ZFYVE9: variants seen among roughly 807,000 people sequenced by gnomAD.
ZFYVE9 encodes zinc finger FYVE domain-containing protein 9.
In ZFYVE9, 43 loss-of-function variants were observed where a neutral mutation model predicts 126.7. The observed-to-expected ratio is 0.34, with a 90% confidence interval of 0.27 to 0.44. The LOEUF (loss-of-function observed/expected upper bound fraction) is 0.44, where lower values mean the gene tolerates loss of function less well. Among genes scored for constraint, ZFYVE9 ranks in the 20% least tolerant of loss-of-function variants. The pLI, the probability that ZFYVE9 is intolerant of heterozygous loss-of-function variation, is 1.00. For synonymous variants in ZFYVE9, 521 were observed against 597.4 expected (o/e 0.87, Z 1.87); for missense variants, 1,476 against 1,697.0 (o/e 0.87, Z 2.29).
intron 1 of ZFYVE9, among the ~76,000 whole-genome samples, chr1:52,207,800 C>G (rs1251743590): frequency 6.6e-6 from 1 of 152,198 alleles, no homozygotes; most frequent in African/African-American, 2.4e-5. Context: ...GTTCAAATTG[C>G]ATCTTTGCCT....
chr1:52,258,895 C>CTT (rs201084427), intron 4 of ZFYVE9, among the ~76,000 whole-genome samples: 2 of 142,076 alleles, frequency 1.4e-5, no homozygotes, highest in African/African-American at 5.1e-5. Context: ...CCCTTGCTTG[C>CTT]TTTTTTTTTT....
At chr1:52,205,246 T>G (rs908943753) in intron 1 of ZFYVE9, among the ~76,000 whole-genome samples, 1 of 151,772 alleles carries the variant, frequency 6.6e-6, no homozygotes, top group Non-Finnish European at 1.5e-5. Flanking sequence ...GGCCTATTTT[T>G]GTATTTTTTG....
chr1:52,227,419 C>T (rs902809756), intron 2 of ZFYVE9, among the ~76,000 whole-genome samples: 4 of 152,224 alleles, frequency 2.6e-5, no homozygotes, highest in African/African-American at 7.2e-5. Context: ...CCACCAAAGT[C>T]ACCAAAATCC....
intron 13 of ZFYVE9, among the ~76,000 whole-genome samples, chr1:52,311,876 C>T (rs116593979): frequency 5.9e-5 from 9 of 151,872 alleles, no homozygotes; most frequent in African/African-American, 9.7e-5. Context: ...GTGCAACTTT[C>T]GCTTCCTGGA....
chr1:52,339,323 T>C (rs1210413661), intron 16 of ZFYVE9, among the ~76,000 whole-genome samples: 1 of 152,040 alleles, frequency 6.6e-6, no homozygotes, highest in African/African-American at 2.4e-5. Flanking sequence ...AGTCTTGCTC[T>C]GTAACCCAGG....
At chr1:52,317,891 A>G (rs150091936) in intron 13 of ZFYVE9, among the ~76,000 whole-genome samples, 1,647 of 152,306 alleles carry the variant, frequency 0.011, 24 homozygotes, top group African/African-American at 0.038. Flanking sequence ...ATAGCCCTGT[A>G]TTTATTAAAA....
intron 1 of ZFYVE9, among the ~76,000 whole-genome samples, chr1:52,146,773 G>T (rs186003215): frequency 3.6e-4 from 55 of 152,252 alleles, no homozygotes. Context: ...ATTAGAGATT[G>T]CTAAATTAAG....
intron 1 of ZFYVE9, among the ~76,000 whole-genome samples, chr1:52,173,807 T>C (rs181990158): frequency 3.9e-5 from 6 of 152,348 alleles, no homozygotes; most frequent in Admixed American, 1.3e-4. Context: ...TTTATAGTAT[T>C]CTCTGATGGT....
chr1:52,175,802 C>T (rs1388936579), intron 1 of ZFYVE9, among the ~76,000 whole-genome samples: 1 of 152,216 alleles, frequency 6.6e-6, no homozygotes, highest in Non-Finnish European at 1.5e-5. Context: ...CGCATCGGCT[C>T]CTGAGGCTTC....
chr1:52,149,571 A>G (rs2124492898), intron 1 of ZFYVE9, among the ~76,000 whole-genome samples: 1 of 152,342 alleles, frequency 6.6e-6, no homozygotes, highest in South Asian at 2.1e-4. Flanking sequence ...TTTTATATAA[A>G]TACAAATGTC....
intron 1 of ZFYVE9, among the ~76,000 whole-genome samples, chr1:52,212,484 T>C (rs759608207): frequency 6.6e-6 from 1 of 152,158 alleles, no homozygotes; most frequent in Non-Finnish European, 1.5e-5. Flanking sequence ...GTTAAGATTA[T>C]GAAGGATATA....
At chr1:52,204,822 C>G (rs1006172311) in intron 1 of ZFYVE9, among the ~76,000 whole-genome samples, 1 of 152,198 alleles carries the variant, frequency 6.6e-6, no homozygotes, top group African/African-American at 2.4e-5. Context: ...GGGGATTTCC[C>G]CCTTGATGCT....
chr1:52,196,653 T>C (rs1358110461), intron 1 of ZFYVE9, among the ~76,000 whole-genome samples: 1 of 152,026 alleles, frequency 6.6e-6, no homozygotes, highest in Non-Finnish European at 1.5e-5. Context: ...AATTGGTAAA[T>C]TGGAGGTCAT....
At chr1:52,260,863 G>A (rs781766721) in intron 4 of ZFYVE9, among the ~76,000 whole-genome samples, 66 of 152,096 alleles carry the variant, frequency 4.3e-4, no homozygotes, top group Non-Finnish European at 8.7e-4. Context: ...CTATTAAAAA[G>A]GTCAAAACAG....
At chr1:52,229,917 G>C (rs928304996) in intron 2 of ZFYVE9, among the ~76,000 whole-genome samples, 3 of 151,680 alleles carry the variant, frequency 2.0e-5, no homozygotes, top group Non-Finnish European at 4.4e-5. Context: ...GCCCAGGCTG[G>C]AGTGCAGTGG....
intron 1 of ZFYVE9, among the ~76,000 whole-genome samples, chr1:52,164,290 T>C (rs1644492059): frequency 1.3e-5 from 2 of 152,130 alleles, no homozygotes; most frequent in Admixed American, 6.5e-5. Flanking sequence ...CTCGGCTCAC[T>C]GCAACCTCTG....
chr1:52,234,249 A>G (rs1645252045), intron 3 of ZFYVE9, among the ~76,000 whole-genome samples: 1 of 152,158 alleles, frequency 6.6e-6, no homozygotes, highest in African/African-American at 2.4e-5. Context: ...ATTTCCATCC[A>G]AAGTCCATGA....
In ZFYVE9 at chr1:52,188,043, A is replaced by G. The variant is rs142884194; in HGVS notation, c.-142-28326A>G. Among the ~76,000 whole-genome samples the G allele has an allele frequency of 9.5e-4, 144 of 152,362 alleles. 1 individual carries two copies. Among genetic ancestry groups the G allele is most frequent in the African/African-American group, 3.3e-3 (136 of 41,586 alleles). On this transcript the variant is annotated intron_variant, in intron 1 of 18. Transcript: ENST00000287727. Reference sequence around the variant, plus strand: ...CATGCATGCATATGTTCATTGCAGCACTATTCACAATAGCAAAGACATGGA... The same window carrying G: ...CATGCATGCATATGTTCATTGCAGCGCTATTCACAATAGCAAAGACATGGA...
At chr1:52,168,375 C>G (rs1441462275) in intron 1 of ZFYVE9, among the ~76,000 whole-genome samples, 1 of 151,934 alleles carries the variant, frequency 6.6e-6, no homozygotes, top group Non-Finnish European at 1.5e-5. Context: ...CACCACCACA[C>G]CCGGCTAGAT....
Sources: allele counts gnomAD v4.1 joint callset (sites outside exome capture counted in the v4.1 genomes callset), GRCh38; gene constraint gnomAD v4.1.1; transcripts MANE v1.5; gene names NCBI Gene and HGNC (gene_info 2026-07-23, HGNC 2026-07-21).